ETV1: variants seen among roughly 807,000 people sequenced by gnomAD.
The protein encoded by ETV1 is ETS translocation variant 1.
A neutral mutation model predicts 62.3 loss-of-function variants in ETV1; 27 were observed. The ratio of observed to expected loss-of-function variants is 0.43; its 90% CI spans 0.32 to 0.60. The LOEUF (loss-of-function observed/expected upper bound fraction) is 0.60. Ranked by LOEUF, ETV1 falls within the 20% of genes least tolerant of loss-of-function variation. ETV1 has a pLI of 0.06. For missense variants in ETV1, 605 were observed against 605.8 expected, an observed-to-expected ratio of 1.00 and a Z score of 0.01; for synonymous variants, 222 against 199.6, an observed-to-expected ratio of 1.11 and a Z score of -0.94.
chr7:13,908,104 A>C lies in ETV1; in HGVS notation c.941-1505T>G, dbSNP rs1003813235. On this transcript the variant is annotated intron_variant, in intron 11 of 13. Transcript: ENST00000430479. Reference sequence around the variant, plus strand: ...CTTCTGCCTATAAATGTGACTGATCACACTGACCATGTACAGTGAAAAAAT... The same window carrying C: ...CTTCTGCCTATAAATGTGACTGATCCCACTGACCATGTACAGTGAAAAAAT... Among the ~76,000 whole-genome samples the C allele has an allele frequency of 5.9e-5, 9 of 152,226 alleles. No individual in the cohort carries two copies. In the South Asian group the frequency reaches 1.7e-3, roughly 28 times the overall value.
At position 13,975,442 on chromosome 7, in the gene ETV1, AGGCTGAGGCAGGAGAAT is replaced by A. The variant is rs535794815; in HGVS notation, c.235+1968_235+1984del. Among the ~76,000 whole-genome samples, 740 of 151,792 alleles carry A rather than the reference AGGCTGAGGCAGGAGAAT, an allele frequency of 4.9e-3. 8 individuals carry two copies. The highest frequency in any genetic ancestry group is 0.017 in the African/African-American group (702 of 41,382). ...ATGCCTGTAGTCCCAGCTACTCGGG[AGGCTGAGGCAGGAGAAT>A]GGCTGAGGCAGGAGAATGGTGTGAA... On this transcript the variant is annotated intron_variant, in intron 6 of 13. Coordinates refer to ENST00000430479, the MANE Select transcript of ETV1 (RefSeq NM_004956.5).
chr7:13,896,743 G>GGAAAGAAAAA (rs1781847919), intron 13 of ETV1, among the ~76,000 whole-genome samples: 2 of 115,302 alleles, frequency 1.7e-5, no homozygotes, highest in African/African-American at 3.4e-5. Flanking sequence ...AAGAAAGAAA[G>GGAAAGAAAAA]GAAAGAAAGA....
chr7:13,895,062 C>T lies in ETV1; in HGVS notation c.*804G>A, dbSNP rs564057036. ...AAATGAAGATTCCAAAGGACCATGA[C>T]ATGTCATTATTTAACTGAAATGGGC... is the stretch of plus-strand genomic sequence containing the variant. On this transcript the variant is annotated 3_prime_UTR_variant, in exon 14 of 14. Coordinates refer to ENST00000430479, the MANE Select transcript of ETV1 (RefSeq NM_004956.5). The T allele has an allele frequency of 1.5e-4, 34 of 233,266 alleles. No individual in the cohort carries two copies. The highest frequency in any genetic ancestry group is 2.5e-4 in the Non-Finnish European group (30 of 117,834). 14.4% of individuals were successfully genotyped at this position (233,266 alleles called of 1,614,324 possible).
At chr7:13,933,280 A>G (rs889497436) in intron 8 of ETV1, among the ~76,000 whole-genome samples, 1 of 152,220 alleles carries the variant, frequency 6.6e-6, no homozygotes, top group Non-Finnish European at 1.5e-5. Flanking sequence ...GGGAACATGT[A>G]TATATCAAAC....
intron 6 of ETV1, among the ~76,000 whole-genome samples, chr7:13,949,097 A>C (rs551010970): frequency 6.6e-6 from 1 of 152,308 alleles, no homozygotes; most frequent in East Asian, 1.9e-4. Context: ...TGAAAAAGTC[A>C]AAACAAATCA....
At chr7:13,982,655 T>G (rs918414914) in intron 5 of ETV1, among the ~76,000 whole-genome samples, 6 of 152,034 alleles carry the variant, frequency 3.9e-5, no homozygotes, top group Non-Finnish European at 8.8e-5. Context: ...TTATTGTTGT[T>G]CAATTATAAG....
At chr7:13,964,832 A>T (rs1033981988) in intron 6 of ETV1, among the ~76,000 whole-genome samples, 8 of 152,254 alleles carry the variant, frequency 5.3e-5, no homozygotes, top group African/African-American at 1.9e-4. Context: ...TATTTTCCCA[A>T]CACACAGCTA....
intron 6 of ETV1, among the ~76,000 whole-genome samples, chr7:13,949,674 T>C (rs1297974871): frequency 6.6e-6 from 1 of 152,192 alleles, no homozygotes; most frequent in Non-Finnish European, 1.5e-5. Context: ...TTCTCTTGTT[T>C]ACAGTGCCTG....
At chr7:13,979,014 G>T (rs112125852) in intron 5 of ETV1, among the ~76,000 whole-genome samples, 2,750 of 152,068 alleles carry the variant, frequency 0.018, 96 homozygotes, top group African/African-American at 0.063. Flanking sequence ...ATACCTATTT[G>T]ATCAGCCTAT....
chr7:13,986,792 G>A, intron 4 of ETV1, 107 bp from the exon 5 acceptor site: 2 of 838,422 alleles, frequency 2.4e-6, no homozygotes, highest in South Asian at 1.7e-5. Context: ...TTAATTTCAA[G>A]AGACGCAGTC....
chr7:13,986,840 C>A (rs752554506), intron 4 of ETV1, 155 bp from the exon 5 acceptor site: 2 of 609,396 alleles, frequency 3.3e-6, no homozygotes, highest in African/African-American at 1.9e-5. Context: ...ACTTAAATAT[C>A]TCAATAATAC....
At chr7:13,913,829 G>C (rs961635203) in intron 9 of ETV1, among the ~76,000 whole-genome samples, 1 of 149,492 alleles carries the variant, frequency 6.7e-6, no homozygotes, top group Admixed American at 6.7e-5. Context: ...AAACTTATAA[G>C]GTTTAAGCCA....
chr7:13,965,151 T>C (rs921471100), intron 6 of ETV1, among the ~76,000 whole-genome samples: 3 of 152,188 alleles, frequency 2.0e-5, no homozygotes, highest in African/African-American at 7.2e-5. Flanking sequence ...AACCTGTGCA[T>C]AAACAACGCA....
At chr7:13,940,232 G>A (rs1346490223) in intron 6 of ETV1, among the ~76,000 whole-genome samples, 1 of 151,946 alleles carries the variant, frequency 6.6e-6, no homozygotes, top group Non-Finnish European at 1.5e-5. Context: ...TATGATGGCA[G>A]GTGCTTGTAA....
intron 9 of ETV1, among the ~76,000 whole-genome samples, chr7:13,913,760 TA>T (rs1158148821): frequency 6.6e-6 from 1 of 152,116 alleles, no homozygotes; most frequent in Non-Finnish European, 1.5e-5. Context: ...TATTTTGGAA[TA>T]TTTTTCACAA....
At chr7:13,914,132 G>C (rs1783877308) in intron 9 of ETV1, among the ~76,000 whole-genome samples, 1 of 151,426 alleles carries the variant, frequency 6.6e-6, no homozygotes, top group Non-Finnish European at 1.5e-5. Flanking sequence ...TAATCCACCC[G>C]CCTCGGCCTC....
At chr7:13,938,664 C>G (rs994837834) in intron 7 of ETV1, among the ~76,000 whole-genome samples, 3 of 152,216 alleles carry the variant, frequency 2.0e-5, no homozygotes, top group Non-Finnish European at 4.4e-5. Context: ...CTCTGCTAAG[C>G]CTTATGAAAT....
chr7:13,942,540 T>A (rs1787676003), intron 6 of ETV1, among the ~76,000 whole-genome samples: 1 of 152,156 alleles, frequency 6.6e-6, no homozygotes. Context: ...AGTTATTTTT[T>A]CTGACCCTCT....
chr7:13,985,056 C>T (rs1330899154), intron 5 of ETV1, among the ~76,000 whole-genome samples: 1 of 151,954 alleles, frequency 6.6e-6, no homozygotes, highest in Non-Finnish European at 1.5e-5. Flanking sequence ...GACTTGGAAT[C>T]AATGAGATTT....
Sources: allele counts gnomAD v4.1 joint callset (sites outside exome capture counted in the v4.1 genomes callset), GRCh38; gene constraint gnomAD v4.1.1; transcripts MANE v1.5; gene names NCBI Gene and HGNC (gene_info 2026-07-23, HGNC 2026-07-21).